The following INO80 variants were observed in gnomAD, a reference collection of about 807,000 sequenced individuals.
The protein encoded by INO80 is INO80 complex ATPase subunit.
Under a neutral mutation model 203.4 loss-of-function variants are expected in INO80, and 20 were observed. The observed-to-expected ratio is 0.10, with a 90% confidence interval of 0.07 to 0.14. INO80 has a LOEUF of 0.14. Ranked by LOEUF, INO80 falls within the 10% of genes least tolerant of loss-of-function variation. The pLI, the probability that INO80 is intolerant of heterozygous loss-of-function variation, is 1.00. For missense variants in INO80, 1,419 were observed against 1,914.4 expected (o/e 0.74, Z 4.83); for synonymous variants, 726 against 685.2 (o/e 1.06, Z -0.93).
intron 29 of INO80, among the ~76,000 whole-genome samples, chr15:40,995,744 C>A (rs1368883263): frequency 1.3e-5 from 2 of 152,094 alleles, no homozygotes; most frequent in Non-Finnish European, 2.9e-5. Flanking sequence ...ATACAGAGAG[C>A]AGGGAACCAA....
intron 19 of INO80, among the ~76,000 whole-genome samples, chr15:41,050,485 C>G (rs1386946053): frequency 6.6e-6 from 1 of 152,232 alleles, no homozygotes; most frequent in East Asian, 1.9e-4. Context: ...AAACAGTTCT[C>G]TTTTCCACAA....
At position 41,095,683 on chromosome 15, in the gene INO80, A is replaced by G; in HGVS notation, c.314-15T>C. 1 of 1,608,246 alleles carries G rather than the reference A, an allele frequency of 6.2e-7. No homozygotes were observed. Among genetic ancestry groups the G allele is most frequent in the Non-Finnish European group, 8.5e-7 (1 of 1,175,256 alleles). On this transcript the variant is annotated splice_polypyrimidine_tract_variant and intron_variant, in intron 3 of 35. Coordinates refer to ENST00000648947, the MANE Select transcript of INO80 (RefSeq NM_017553.3). ...ACATTTTGATTCTGTATAAAGAAACACAAAGAATAAAAAAATTAAAGGATG... is the reference window on the plus strand; with the variant it reads ...ACATTTTGATTCTGTATAAAGAAACGCAAAGAATAAAAAAATTAAAGGATG...
intron 32 of INO80, among the ~76,000 whole-genome samples, chr15:40,984,912 T>A (rs903290469): frequency 9.9e-5 from 15 of 152,196 alleles, no homozygotes; most frequent in African/African-American, 3.6e-4. Context: ...TGAACAGACA[T>A]TTAGAAATAA....
chr15:41,014,798 T>C (rs989471307), intron 27 of INO80, among the ~76,000 whole-genome samples: 3 of 152,208 alleles, frequency 2.0e-5, no homozygotes, highest in Non-Finnish European at 4.4e-5. Context: ...CAAGCCAATC[T>C]TGGCTTCCAA....
intron 27 of INO80, among the ~76,000 whole-genome samples, chr15:41,014,777 G>C (rs1407115424): frequency 2.0e-5 from 3 of 152,130 alleles, no homozygotes; most frequent in African/African-American, 7.2e-5. Context: ...TAAATTCATT[G>C]CAAAATTCAA....
In INO80 at chr15:40,982,881, G is replaced by A. The variant is rs759468734; in HGVS notation, c.4434C>T (p.Tyr1478=). ...CTGTACCTTTAGACACGTTGTACCC[G>A]TATGCGGCATAGGCAGCTGCAGAGG... The part of the protein sequence containing the change: ...AAASAAAYAA[Y]GYNVSKGISA... Residue 1478 remains tyrosine (Y), a synonymous_variant, in exon 35 of 36, where the codon TAC becomes TAT. Transcript: ENST00000648947. The A allele has an allele frequency of 1.4e-5, 22 of 1,613,060 alleles. No homozygotes were observed. Among genetic ancestry groups the A allele is most frequent in the South Asian group, 2.2e-5 (2 of 91,022 alleles).
chr15:41,058,890 G>A, intron 15 of INO80, 109 bp from the exon 16 acceptor site: 1 of 981,950 alleles, frequency 1.0e-6, no homozygotes, highest in South Asian at 1.6e-5. Context: ...CAGCCCTGAA[G>A]ATGTGCTTCT....
intron 29 of INO80, 137 bp downstream of exon 29, chr15:40,997,392 C>A: frequency 1.6e-6 from 1 of 613,936 alleles, no homozygotes; most frequent in Non-Finnish European, 3.0e-6. Context: ...ACACAAGAGG[C>A]AAAGAAATAA....
chr15:41,090,410 T>C (rs1346638705), intron 5 of INO80, among the ~76,000 whole-genome samples: 1 of 151,948 alleles, frequency 6.6e-6, no homozygotes, highest in African/African-American at 2.4e-5. Context: ...AACCCGTCTT[T>C]ACTAAAAACG....
At chr15:41,003,666 C>G (rs2140436160) in intron 28 of INO80, among the ~76,000 whole-genome samples, 1 of 152,188 alleles carries the variant, frequency 6.6e-6, no homozygotes, top group East Asian at 1.9e-4. Flanking sequence ...AAATTTTTCT[C>G]AATAGGCATT....
intron 4 of INO80, among the ~76,000 whole-genome samples, chr15:41,093,289 G>A (rs2045671752): frequency 6.6e-6 from 1 of 152,062 alleles, no homozygotes; most frequent in Non-Finnish European, 1.5e-5. Flanking sequence ...GCCAGGCGTG[G>A]TGGCAAGCGC....
intron 4 of INO80, among the ~76,000 whole-genome samples, chr15:41,093,170 T>C (rs1049857389): frequency 3.9e-5 from 6 of 152,188 alleles, no homozygotes; most frequent in South Asian, 2.1e-4. Context: ...CTCATGTCTG[T>C]AATCCCAGCA....
At chr15:41,055,563 T>C (rs976277724) in intron 17 of INO80, among the ~76,000 whole-genome samples, 199 bp from the exon 18 acceptor site, 1 of 152,222 alleles carries the variant, frequency 6.6e-6, no homozygotes, top group Non-Finnish European at 1.5e-5. Flanking sequence ...TTAGGTGCTG[T>C]AGCAAAATGT....
intron 28 of INO80, among the ~76,000 whole-genome samples, chr15:41,002,165 C>T (rs2043967592): frequency 2.0e-5 from 3 of 152,142 alleles, no homozygotes. Context: ...ATGATGGTTA[C>T]CCAAATGTTG....
rs909388540 is a variant in INO80, at chr15:41,026,500, C to G, written c.3048+1096G>C. Among the ~76,000 whole-genome samples the G allele has an allele frequency of 7.2e-5, 11 of 151,932 alleles. No individual in the cohort carries two copies. The East Asian group carries it at 1.9e-3, about 27-fold the overall frequency. On this transcript the variant is annotated intron_variant, in intron 25 of 35. Coordinates refer to ENST00000648947, the MANE Select transcript of INO80 (RefSeq NM_017553.3). ...CCCAGGAGGTTGAGGTTGCAGTGAG[C>G]TGAAATAATGCCACTGCACTCCAGG... is the stretch of plus-strand genomic sequence containing the variant.
intron 7 of INO80, among the ~76,000 whole-genome samples, chr15:41,084,325 G>A (rs1389189006): frequency 1.3e-5 from 2 of 151,960 alleles, no homozygotes; most frequent in South Asian, 2.1e-4. Context: ...TTTATGAGGC[G>A]GAGCCAGGCA....
chr15:41,082,048 G>C (rs940079999), intron 7 of INO80, among the ~76,000 whole-genome samples: 11 of 149,576 alleles, frequency 7.4e-5, no homozygotes, highest in Non-Finnish European at 1.2e-4. Flanking sequence ...TAATGAGTTT[G>C]AGACCAGACT....
At chr15:41,052,182 C>A (rs866704703) in intron 19 of INO80, among the ~76,000 whole-genome samples, 1 of 151,600 alleles carries the variant, frequency 6.6e-6, no homozygotes, top group African/African-American at 2.4e-5. Context: ...GTTTACATGA[C>A]CCTTTAAATA....
chr15:41,019,164 A>C (rs1200941988), intron 26 of INO80, among the ~76,000 whole-genome samples: 1 of 152,228 alleles, frequency 6.6e-6, no homozygotes. Flanking sequence ...TTTCTGGTGA[A>C]ACATGGAGAA....
Sources: gnomAD v4.1 joint callset for allele counts (sites outside exome capture counted in the v4.1 genomes callset) on GRCh38, gnomAD v4.1.1 for gene constraint, MANE v1.5 for transcripts, NCBI Gene and HGNC (gene_info 2026-07-23, HGNC 2026-07-21) for gene names.